ATP8A1: variants seen among roughly 807,000 people sequenced by gnomAD.
The protein encoded by ATP8A1 is phospholipid-transporting ATPase IA.
In ATP8A1, 90 loss-of-function variants were observed where a neutral mutation model predicts 177.7. The ratio of observed to expected loss-of-function variants is 0.51; its 90% CI spans 0.43 to 0.60. The LOEUF (loss-of-function observed/expected upper bound fraction) is 0.60. Ranked by LOEUF, ATP8A1 falls within the 20% of genes least tolerant of loss-of-function variation. The pLI is 0.00. For synonymous variants in ATP8A1, 493 were observed against 485.9 expected (o/e 1.01, Z -0.19); for missense variants, 1,072 against 1,392.8 (o/e 0.77, Z 3.67).
In ATP8A1 at chr4:42,631,156, T is replaced by A. The variant is rs548779541; in HGVS notation, c.50-4047A>T. ...TGTTTTGGGGTGGTAATTCTCTACC[T>A]TGTGGTGTAACTGACAATTCACCTG... On this transcript the variant is annotated intron_variant, in intron 1 of 36. Coordinates refer to ENST00000381668, the MANE Select transcript of ATP8A1 (RefSeq NM_006095.2). Among the ~76,000 whole-genome samples, 3 of 152,342 alleles carry A rather than the reference T, an allele frequency of 2.0e-5. No homozygotes were observed. The South Asian group carries it at 6.2e-4, about 32-fold the overall frequency.
intron 20 of ATP8A1, among the ~76,000 whole-genome samples, chr4:42,537,265 A>G (rs2153203882): frequency 6.6e-6 from 1 of 152,272 alleles, no homozygotes; most frequent in East Asian, 1.9e-4. Flanking sequence ...GAAGAGGCAT[A>G]CCTTAAGGTA....
chr4:42,420,132 T>A (rs932417368), intron 35 of ATP8A1, among the ~76,000 whole-genome samples: 2 of 152,172 alleles, frequency 1.3e-5, no homozygotes, highest in East Asian at 3.9e-4. Context: ...AACCTTAGAG[T>A]GCCATTACTT....
chr4:42,471,777 C>T (rs1484226928), intron 25 of ATP8A1: 1 of 436,868 alleles, frequency 2.3e-6, no homozygotes, highest in Non-Finnish European at 4.3e-6. Context: ...GTAGCAAGCT[C>T]TTCCTAGGCT....
In ATP8A1 at chr4:42,448,392, C is replaced by CTTACTTTACTTTTTTTTT. The variant is rs1560335169; in HGVS notation, c.2897-1749_2897-1748insAAAAAAAAAGTAAAGTAA. Among the ~76,000 whole-genome samples, 90 of 19,908 alleles carry CTTACTTTACTTTTTTTTT rather than the reference C, an allele frequency of 4.5e-3. 5 individuals carry two copies. The highest frequency in any genetic ancestry group is 6.8e-3 in the African/African-American group (84 of 12,366). The allele number at this position is 19,908 out of a possible 152,430, so 13.1% of individuals were successfully genotyped here. A position where few individuals can be genotyped will look rare whatever the true frequency, so the allele number is the denominator to read the frequency against. On this transcript the variant is annotated intron_variant, in intron 30 of 36. Coordinates refer to ENST00000381668, the MANE Select transcript of ATP8A1 (RefSeq NM_006095.2). ...ACAAGTAGCCTCCCTCCCTCCTTCT[C>CTTACTTTACTTTTTTTTT]TTTCTTTTCTTTTTTTTTTTTTTGA...
intron 35 of ATP8A1, chr4:42,415,017 G>A (rs1411059651): frequency 3.1e-6 from 1 of 322,232 alleles, no homozygotes; most frequent in African/African-American, 2.1e-5. Context: ...GCAACACAGA[G>A]CCAGTATAAC....
rs144713262 is a variant in ATP8A1 at position 42,616,555 on chromosome 4, T to G, written c.364-477A>C. On this transcript the variant is annotated intron_variant, in intron 4 of 36. Transcript: ENST00000381668. ...TTAAGCTGAGCACATCCTCTATAAT[T>G]TAATGATATGCTGATGTCGGCCAAT... Among the ~76,000 whole-genome samples, 6 of 152,312 alleles carry G rather than the reference T, an allele frequency of 3.9e-5. No homozygotes were observed. The East Asian group carries it at 1.2e-3, about 29-fold the overall frequency.
chr4:42,479,997 T>TGTGTGTGTGA (rs939472132), intron 25 of ATP8A1, among the ~76,000 whole-genome samples: 1 of 5,792 alleles, frequency 1.7e-4, no homozygotes, highest in East Asian at 0.045. Context: ...CAGTTCTGCT[T>TGTGTGTGTGA]GTGTGTGTGT....
intron 35 of ATP8A1, among the ~76,000 whole-genome samples, chr4:42,418,058 T>C (rs1713445918): frequency 6.6e-6 from 1 of 152,184 alleles, no homozygotes; most frequent in Non-Finnish European, 1.5e-5. Flanking sequence ...AGAAATAAAA[T>C]TTCCTTTCTA....
chr4:42,431,346 T>C (rs1231440941), intron 33 of ATP8A1, among the ~76,000 whole-genome samples: 1 of 152,230 alleles, frequency 6.6e-6, no homozygotes, highest in Non-Finnish European at 1.5e-5. Context: ...GTATTTTTTT[T>C]TGTTCCCCCA....
intron 8 of ATP8A1, 119 bp from the exon 9 acceptor site, chr4:42,586,595 C>T (rs1264025156): frequency 2.4e-5 from 23 of 952,672 alleles, no homozygotes; most frequent in Non-Finnish European, 2.8e-5. Flanking sequence ...TTTTTATAAG[C>T]AATTCTCCTC....
chr4:42,416,741 C>T (rs917934798), intron 35 of ATP8A1, among the ~76,000 whole-genome samples: 2 of 151,998 alleles, frequency 1.3e-5, no homozygotes, highest in Non-Finnish European at 2.9e-5. Flanking sequence ...AACTCTCAGG[C>T]AGACTGTGAG....
intron 25 of ATP8A1, among the ~76,000 whole-genome samples, chr4:42,474,712 A>G (rs1349831328): frequency 6.6e-6 from 1 of 152,190 alleles, no homozygotes; most frequent in Admixed American, 6.5e-5. Context: ...CTAGGGGAAA[A>G]CAGGGATTTA....
At chr4:42,413,071 C>G in intron 36 of ATP8A1, 58 bp from the exon 37 acceptor site, 1 of 1,439,384 alleles carries the variant, frequency 6.9e-7, no homozygotes, top group Non-Finnish European at 9.7e-7. Flanking sequence ...CACCGTTATT[C>G]TGACTTTTGG....
chr4:42,619,613 C>CAT (rs55992429), intron 4 of ATP8A1, among the ~76,000 whole-genome samples: 1,871 of 148,954 alleles, frequency 0.013, 22 homozygotes, highest in African/African-American at 0.04. Context: ...TCTATCTACA[C>CAT]ATATATATAT....
At chr4:42,414,249 A>G (rs1712969157) in intron 36 of ATP8A1, among the ~76,000 whole-genome samples, 1 of 152,234 alleles carries the variant, frequency 6.6e-6, no homozygotes, top group Admixed American at 6.5e-5. Flanking sequence ...TGAAGGGGAA[A>G]ATATATGCTT....
intron 4 of ATP8A1, among the ~76,000 whole-genome samples, chr4:42,617,536 C>T (rs1737042707): frequency 1.3e-5 from 2 of 152,084 alleles, no homozygotes; most frequent in African/African-American, 4.8e-5. Context: ...ATTCTTTTTG[C>T]TTGTTAGTAG....
intron 1 of ATP8A1, among the ~76,000 whole-genome samples, chr4:42,644,680 A>T (rs901825235): frequency 6.6e-6 from 1 of 152,140 alleles, no homozygotes; most frequent in African/African-American, 2.4e-5. Flanking sequence ...CACCAGCAGC[A>T]TCCTAAAGCT....
chr4:42,552,639 C>G (rs754593824), intron 16 of ATP8A1, 29 bp from the exon 17 acceptor site: 18 of 1,512,930 alleles, frequency 1.2e-5, no homozygotes, highest in African/African-American at 1.4e-5. Context: ...TAATTTAAGC[C>G]CTTCTCATGT....
intron 6 of ATP8A1, 32 bp from the exon 7 acceptor site, chr4:42,590,916 G>T: frequency 7.5e-7 from 1 of 1,339,972 alleles, no homozygotes; most frequent in Non-Finnish European, 9.9e-7. Context: ...AATTAAAATG[G>T]CCAAAAAAAA....
Sources: allele counts gnomAD v4.1 joint callset (sites outside exome capture counted in the v4.1 genomes callset), GRCh38; gene constraint gnomAD v4.1.1; transcripts MANE v1.5; gene names NCBI Gene and HGNC (gene_info 2026-07-23, HGNC 2026-07-21).